Variants in PLEKHG1 observed in about 807,000 individuals in gnomAD.
PLEKHG1 encodes the protein pleckstrin homology and RhoGEF domain containing G1.
Under a neutral mutation model 100.8 loss-of-function variants are expected in PLEKHG1, and 44 were observed. That is an observed-to-expected ratio of 0.44 (90% CI 0.34 to 0.56). The LOEUF (loss-of-function observed/expected upper bound fraction) is 0.56. Among genes scored for constraint, PLEKHG1 ranks in the 20% least tolerant of loss-of-function variants. The probability of loss-of-function intolerance (pLI) is 0.01; values close to 1 mark genes in which losing one functional copy is unlikely to be tolerated. For synonymous variants in PLEKHG1, 640 were observed against 662.5 expected, an observed-to-expected ratio of 0.97 and a Z score of 0.52; for missense variants, 1,545 against 1,720.9, an observed-to-expected ratio of 0.90 and a Z score of 1.81.
At chr6:150,731,760 T>C (rs1782271220) in intron 1 of PLEKHG1, among the ~76,000 whole-genome samples, 1 of 152,150 alleles carries the variant, frequency 6.6e-6, no homozygotes, top group Non-Finnish European at 1.5e-5. Context: ...TCACAAGACA[T>C]TTTGTTTCTA....
intron 3 of PLEKHG1, among the ~76,000 whole-genome samples, chr6:150,709,074 C>CCAACA (rs1331219735): frequency 6.6e-6 from 1 of 152,206 alleles, no homozygotes; most frequent in Non-Finnish European, 1.5e-5. Flanking sequence ...TGGCTCATGC[C>CCAACA]TGTAATCCCA....
chr6:150,630,999 C>T (rs970179431), intron 1 of PLEKHG1, among the ~76,000 whole-genome samples: 3 of 152,044 alleles, frequency 2.0e-5, no homozygotes, highest in African/African-American at 4.8e-5. Flanking sequence ...CTTGATAAAC[C>T]GTTTCGATGG....
At chr6:150,788,577 T>C (rs989921630) in intron 4 of PLEKHG1, among the ~76,000 whole-genome samples, 3 of 152,162 alleles carry the variant, frequency 2.0e-5, no homozygotes, top group African/African-American at 7.2e-5. Flanking sequence ...GGACAGAAAT[T>C]AAAGTTTCGT....
At chr6:150,773,964 A>G (rs1252258318) in intron 3 of PLEKHG1, among the ~76,000 whole-genome samples, 1 of 151,960 alleles carries the variant, frequency 6.6e-6, no homozygotes, top group Non-Finnish European at 1.5e-5. Context: ...ACAGCTTTTG[A>G]TGTTATTTGG....
intron 1 of PLEKHG1, chr6:150,605,519 C>T (rs1776565499): frequency 6.6e-6 from 1 of 152,154 alleles, no homozygotes; most frequent in Non-Finnish European, 1.5e-5. Flanking sequence ...TTTATTCATT[C>T]CAGAGCGTTT....
intron 1 of PLEKHG1, among the ~76,000 whole-genome samples, chr6:150,633,644 A>C (rs560701181): frequency 1.3e-5 from 2 of 152,314 alleles, no homozygotes; most frequent in South Asian, 4.1e-4. Context: ...AGAGGGTAGA[A>C]GCCTGACTGG....
At chr6:150,616,652 G>C (rs556943091) in intron 1 of PLEKHG1, among the ~76,000 whole-genome samples, 3 of 152,338 alleles carry the variant, frequency 2.0e-5, no homozygotes, top group South Asian at 4.1e-4. Context: ...ATTTGGCAAG[G>C]GTTGTTTACT....
At chr6:150,781,942 T>G (rs1785337811) in intron 3 of PLEKHG1, among the ~76,000 whole-genome samples, 1 of 151,770 alleles carries the variant, frequency 6.6e-6, no homozygotes, top group Non-Finnish European at 1.5e-5. Context: ...CGGCTAATTT[T>G]TTTTTTTTTG....
exon 16 of PLEKHG1, chr6:150,842,633 T>G (rs1777574404): frequency 6.6e-6 from 1 of 152,224 alleles, no homozygotes; most frequent in African/African-American, 2.4e-5. Flanking sequence ...TTTATTGTGT[T>G]TATTTGAACA....
At chr6:150,722,595 G>A (rs955346706) in intron 1 of PLEKHG1, among the ~76,000 whole-genome samples, 11 of 151,900 alleles carry the variant, frequency 7.2e-5, no homozygotes, top group Admixed American at 6.6e-5. Flanking sequence ...CTTGTGATCC[G>A]CCCGCCTTGG....
At chr6:150,828,422 C>A in intron 14 of PLEKHG1, 8 of 1,532,156 alleles carry the variant, frequency 5.2e-6, no homozygotes, top group Non-Finnish European at 7.1e-6. Context: ...TTTCTTGTGA[C>A]AAATTGTCTG....
Position 150,618,051 on chromosome 6 carries a change from C to G in PLEKHG1, c.-204+18034C>G, listed in dbSNP as rs143027061. Among the ~76,000 whole-genome samples, 759 of 152,252 alleles carry G rather than the reference C, an allele frequency of 5.0e-3. 7 individuals carry two copies. Among genetic ancestry groups the G allele is most frequent in the African/African-American group, 0.018 (730 of 41,536 alleles). ...ACATATAAGTTTATTATAAATTATACTCATAGAATGTGTGATACAATTTGC... is the reference window on the plus strand; with the variant it reads ...ACATATAAGTTTATTATAAATTATAGTCATAGAATGTGTGATACAATTTGC... On this transcript the variant is annotated intron_variant, in intron 1 of 3. Coordinates refer to the PLEKHG1 transcript ENST00000367326.
chr6:150,607,605 C>T (rs1030604446), intron 1 of PLEKHG1, among the ~76,000 whole-genome samples: 5 of 152,064 alleles, frequency 3.3e-5, no homozygotes, highest in African/African-American at 9.7e-5. Context: ...TGAACGATGC[C>T]GTGTGAAGGT....
chr6:150,821,836 T>A (rs78146934), intron 13 of PLEKHG1, among the ~76,000 whole-genome samples: 11,750 of 151,010 alleles, frequency 0.078, 510 homozygotes, highest in East Asian at 0.14. Context: ...TCTTTTATTT[T>A]TTTTTTTATT....
intron 2 of PLEKHG1, among the ~76,000 whole-genome samples, chr6:150,760,431 G>C (rs1244463573): frequency 6.6e-6 from 1 of 152,168 alleles, no homozygotes. Context: ...CAACTGGAGG[G>C]ATCATTCTCA....
intron 3 of PLEKHG1, among the ~76,000 whole-genome samples, chr6:150,679,036 C>T (rs910299956): frequency 3.3e-5 from 5 of 152,112 alleles, no homozygotes; most frequent in African/African-American, 1.2e-4. Context: ...TATTAATGAG[C>T]AATTTTCTAC....
intron 3 of PLEKHG1, among the ~76,000 whole-genome samples, chr6:150,771,323 A>G (rs1047447569): frequency 6.6e-6 from 1 of 151,898 alleles, no homozygotes; most frequent in African/African-American, 2.4e-5. Flanking sequence ...AGGCTGAGGC[A>G]GGAGAATCAC....
intron 2 of PLEKHG1, among the ~76,000 whole-genome samples, chr6:150,642,934 C>T (rs1208872477): frequency 1.4e-5 from 2 of 145,554 alleles, no homozygotes; most frequent in Non-Finnish European, 3.0e-5. Context: ...AAGTGAAGCT[C>T]ATTCATTGAA....
intron 3 of PLEKHG1, among the ~76,000 whole-genome samples, chr6:150,681,751 G>A (rs752744130): frequency 3.1e-4 from 47 of 152,142 alleles, no homozygotes; most frequent in Non-Finnish European, 6.3e-4. Flanking sequence ...CCAGCGATTC[G>A]GAGCCAACTT....
Sources: gnomAD v4.1 joint callset for allele counts (sites outside exome capture counted in the v4.1 genomes callset) on GRCh38, gnomAD v4.1.1 for gene constraint, MANE v1.5 for transcripts, NCBI Gene and HGNC (gene_info 2026-07-23, HGNC 2026-07-21) for gene names.